The following CACNA2D3 variants were observed in gnomAD, a reference collection of about 807,000 sequenced individuals.
The protein encoded by CACNA2D3 is voltage-dependent calcium channel subunit alpha-2/delta-3.
CACNA2D3 carries 60 observed loss-of-function variants against 160.6 expected under a neutral mutation model. The ratio of observed to expected loss-of-function variants is 0.37; its 90% CI spans 0.30 to 0.46. CACNA2D3 has a LOEUF of 0.46. Among genes scored for constraint, CACNA2D3 ranks in the 20% least tolerant of loss-of-function variants. The pLI is 1.00. For missense variants in CACNA2D3, 1,205 were observed against 1,365.0 expected (o/e 0.88, Z 1.85); for synonymous variants, 558 against 492.9 (o/e 1.13, Z -1.75).
chr3:54,535,523 A>G (rs1340808210), intron 5 of CACNA2D3, among the ~76,000 whole-genome samples: 2 of 152,200 alleles, frequency 1.3e-5, no homozygotes, highest in Non-Finnish European at 2.9e-5. Flanking sequence ...CAAGGTTAAA[A>G]TATGACTTCT....
At position 54,642,108 on chromosome 3, in the gene CACNA2D3, G is replaced by C; in HGVS notation, c.1054-20G>C. 2 of 1,522,838 alleles carry C rather than the reference G, an allele frequency of 1.3e-6. No homozygotes were observed. The highest frequency in any genetic ancestry group is 1.4e-5 in the African/African-American group (1 of 73,056). 94.3% of individuals were successfully genotyped at this position (1,522,838 alleles called of 1,614,324 possible). The stretch of plus-strand genomic sequence containing the variant: ...AATTCTCTGATATGTATACTATTTT[G>C]AACTTATTTCTTTCCCTAGTTCAAC... On this transcript the variant is annotated intron_variant, in intron 10 of 37. Coordinates refer to ENST00000474759, the MANE Select transcript of CACNA2D3 (RefSeq NM_018398.3).
At chr3:54,204,182 C>A (rs1701227656) in intron 2 of CACNA2D3, among the ~76,000 whole-genome samples, 1 of 152,112 alleles carries the variant, frequency 6.6e-6, no homozygotes, top group Non-Finnish European at 1.5e-5. Context: ...ACCCCACCAG[C>A]TTTTCTGGGT....
intron 9 of CACNA2D3, among the ~76,000 whole-genome samples, chr3:54,590,319 C>T (rs1161328051): frequency 6.6e-6 from 1 of 152,014 alleles, no homozygotes; most frequent in African/African-American, 2.4e-5. Flanking sequence ...AATAAAAAAG[C>T]CAATATCAAA....
intron 2 of CACNA2D3, among the ~76,000 whole-genome samples, chr3:54,162,380 A>G (rs1233246478): frequency 1.3e-5 from 2 of 152,066 alleles, no homozygotes; most frequent in Admixed American, 1.3e-4. Context: ...AGCTTTGCTC[A>G]CATGCATGTA....
At chr3:54,717,550 GGTGTGTGT>G (rs35851414) in intron 11 of CACNA2D3, among the ~76,000 whole-genome samples, 14 of 147,860 alleles carry the variant, frequency 9.5e-5, no homozygotes, top group Admixed American at 2.0e-4. Context: ...GTGCATGTGT[GGTGTGTGT>G]GTGTGTGTGT....
At chr3:54,505,711 T>G (rs1701358446) in intron 5 of CACNA2D3, among the ~76,000 whole-genome samples, 2 of 152,176 alleles carry the variant, frequency 1.3e-5, no homozygotes, top group African/African-American at 2.4e-5. Flanking sequence ...ATAAAACAAT[T>G]CAGAATGATC....
At chr3:54,468,649 C>T (rs753770478) in intron 4 of CACNA2D3, among the ~76,000 whole-genome samples, 1 of 152,310 alleles carries the variant, frequency 6.6e-6, no homozygotes, top group South Asian at 2.1e-4. Context: ...ATCCCACCCC[C>T]ACGGAGTCCA....
chr3:54,699,341 C>G (rs909745190), intron 11 of CACNA2D3, among the ~76,000 whole-genome samples: 14 of 152,268 alleles, frequency 9.2e-5, no homozygotes, highest in African/African-American at 3.4e-4. Flanking sequence ...TCTCTCCAGT[C>G]CCGGGCATCT....
chr3:55,021,972 A>G (rs552314374), intron 35 of CACNA2D3, among the ~76,000 whole-genome samples: 1 of 152,114 alleles, frequency 6.6e-6, no homozygotes, highest in Non-Finnish European at 1.5e-5. Flanking sequence ...ACATTCTCTA[A>G]TAGCTGGGTA....
At chr3:54,925,813 G>T (rs1700997971) in intron 27 of CACNA2D3, among the ~76,000 whole-genome samples, 1 of 152,150 alleles carries the variant, frequency 6.6e-6, no homozygotes, top group Admixed American at 6.5e-5. Flanking sequence ...AGCCACATGT[G>T]GCTAATGGTT....
intron 4 of CACNA2D3, among the ~76,000 whole-genome samples, chr3:54,482,591 T>G (rs1342231471): frequency 6.6e-6 from 1 of 152,200 alleles, no homozygotes; most frequent in Non-Finnish European, 1.5e-5. Flanking sequence ...ATTATTTGTC[T>G]TCTTTTCACA....
In CACNA2D3 at chr3:54,999,329, G is replaced by T. The variant is rs563171908; in HGVS notation, c.2691-5434G>T. 2.6e-5 allele frequency among the ~76,000 whole-genome samples: 4 copies of T among 152,164 alleles called. No homozygotes were observed. In the South Asian group the frequency reaches 6.2e-4, roughly 24 times the overall value. On this transcript the variant is annotated intron_variant, in intron 31 of 37. Coordinates refer to ENST00000474759, the MANE Select transcript of CACNA2D3 (RefSeq NM_018398.3). ...ATGAGTAAGGGCTTCCCATGGCGAC[G>T]GTCTCTTTGTTAAGAATTTCCTATG...
At chr3:54,463,601 G>A (rs562480106) in intron 4 of CACNA2D3, among the ~76,000 whole-genome samples, 6 of 152,052 alleles carry the variant, frequency 3.9e-5, no homozygotes, top group African/African-American at 7.2e-5. Flanking sequence ...CACAGTTCTC[G>A]AGCCTTGGCT....
chr3:54,815,356 CTT>C (rs1703425094), intron 13 of CACNA2D3, among the ~76,000 whole-genome samples: 1 of 152,158 alleles, frequency 6.6e-6, no homozygotes, highest in Non-Finnish European at 1.5e-5. Flanking sequence ...TCCAAAACAT[CTT>C]GTTTGTTCGG....
At chr3:54,444,221 A>G (rs951251069) in intron 4 of CACNA2D3, among the ~76,000 whole-genome samples, 25 of 152,160 alleles carry the variant, frequency 1.6e-4, no homozygotes, top group African/African-American at 5.3e-4. Context: ...CTGGCCTGTT[A>G]GAGTCTCCCA....
chr3:54,535,431 A>G (rs896990034), intron 5 of CACNA2D3, among the ~76,000 whole-genome samples: 8 of 152,202 alleles, frequency 5.3e-5, no homozygotes, highest in African/African-American at 1.9e-4. Flanking sequence ...CTTGATTCAT[A>G]AACTTACCAT....
intron 2 of CACNA2D3, among the ~76,000 whole-genome samples, chr3:54,270,203 A>T (rs1200008068): frequency 6.6e-6 from 1 of 152,252 alleles, no homozygotes; most frequent in African/African-American, 2.4e-5. Flanking sequence ...GAATTTGTAA[A>T]TATAAAAGAG....
intron 2 of CACNA2D3, among the ~76,000 whole-genome samples, chr3:54,313,952 G>A (rs1261619710): frequency 1.4e-5 from 1 of 72,896 alleles, no homozygotes; most frequent in Non-Finnish European, 3.6e-5. Flanking sequence ...GGTTACATGA[G>A]TGTGTTCTTT....
chr3:54,328,003 G>T (rs541909093), intron 3 of CACNA2D3, among the ~76,000 whole-genome samples: 1 of 152,170 alleles, frequency 6.6e-6, no homozygotes, highest in Non-Finnish European at 1.5e-5. Context: ...GATGGCATCC[G>T]TAGTGTTTCA....
Sources: gnomAD v4.1 joint callset for allele counts (sites outside exome capture counted in the v4.1 genomes callset) on GRCh38, gnomAD v4.1.1 for gene constraint, MANE v1.5 for transcripts, NCBI Gene and HGNC (gene_info 2026-07-23, HGNC 2026-07-21) for gene names.